CDH12: variants seen among roughly 807,000 people sequenced by gnomAD.
The protein encoded by CDH12 is cadherin-12.
A neutral mutation model predicts 74.1 loss-of-function variants in CDH12; 41 were observed. That is an observed-to-expected ratio of 0.55 (90% CI 0.43 to 0.72). The LOEUF is 0.72. Among genes scored for constraint, CDH12 ranks in the 30% least tolerant of loss-of-function variants. CDH12 has a pLI of 0.00. For missense variants in CDH12, 945 were observed against 977.2 expected (o/e 0.97, Z 0.44); for synonymous variants, 399 against 355.0 (o/e 1.12, Z -1.39).
intron 6 of CDH12, among the ~76,000 whole-genome samples, chr5:21,951,840 C>T (rs1345650453): frequency 1.3e-5 from 2 of 152,132 alleles, no homozygotes; most frequent in Non-Finnish European, 2.9e-5. Context: ...CAGGAAAGAA[C>T]AAATTTCCTT....
intron 1 of CDH12, among the ~76,000 whole-genome samples, chr5:22,563,297 T>C (rs1224578608): frequency 2.6e-5 from 4 of 152,082 alleles, no homozygotes; most frequent in Non-Finnish European, 5.9e-5. Context: ...TAAAATCTCA[T>C]TGTCTTTTTG....
rs574891293 is a variant in CDH12 at position 22,014,862 on chromosome 5, G to A, written c.232-39477C>T. Among the ~76,000 whole-genome samples the A allele has an allele frequency of 3.5e-4, 53 of 151,986 alleles. 1 individual carries two copies. The highest frequency in any genetic ancestry group is 1.0e-3 in the South Asian group (5 of 4,806). On this transcript the variant is annotated intron_variant, in intron 5 of 14. Transcript: ENST00000382254. ...ACTTATTTGATAGCCTTGAATTTCA[G>A]CCGAAAAAATAATAATTATAAGAGG...
At chr5:22,240,194 C>T (rs538208849) in intron 3 of CDH12, among the ~76,000 whole-genome samples, 2 of 152,192 alleles carry the variant, frequency 1.3e-5, no homozygotes, top group African/African-American at 2.4e-5. Context: ...ATGATAAATG[C>T]TAATACTTAT....
intron 1 of CDH12, among the ~76,000 whole-genome samples, chr5:22,780,791 G>A (rs1211876695): frequency 6.6e-6 from 1 of 152,018 alleles, no homozygotes; most frequent in African/African-American, 2.4e-5. Context: ...TTTTTTAAGT[G>A]TGATCTATAG....
intron 5 of CDH12, among the ~76,000 whole-genome samples, chr5:22,069,815 C>T (rs1741819341): frequency 6.6e-6 from 1 of 152,098 alleles, no homozygotes; most frequent in African/African-American, 2.4e-5. Context: ...CTTATATTAC[C>T]TTGCCCTGTG....
At chr5:22,103,725 G>T (rs1744276304) in intron 4 of CDH12, among the ~76,000 whole-genome samples, 1 of 152,246 alleles carries the variant, frequency 6.6e-6, no homozygotes, top group South Asian at 2.1e-4. Context: ...TATATCAAAG[G>T]CAGTGAAAAT....
At chr5:22,752,817 G>A (rs1745664115) in intron 1 of CDH12, among the ~76,000 whole-genome samples, 1 of 151,316 alleles carries the variant, frequency 6.6e-6, no homozygotes. Flanking sequence ...CTCGTGATCC[G>A]CCCGCCTCGG....
chr5:22,320,065 C>T (rs1341638510), intron 3 of CDH12, among the ~76,000 whole-genome samples: 1 of 152,116 alleles, frequency 6.6e-6, no homozygotes. Context: ...CAGAACTAAA[C>T]CCACTTAGGT....
intron 7 of CDH12, 71 bp downstream of exon 7, chr5:21,854,600 A>G: frequency 7.7e-7 from 1 of 1,304,560 alleles, no homozygotes; most frequent in Non-Finnish European, 1.1e-6. Flanking sequence ...GCAACTCCCC[A>G]TGCCAAGATT....
chr5:22,127,259 C>T (rs1456267469), intron 4 of CDH12, among the ~76,000 whole-genome samples: 1 of 151,670 alleles, frequency 6.6e-6, no homozygotes, highest in African/African-American at 2.4e-5. Flanking sequence ...TTTGGGGGGC[C>T]GAGAGGTCAG....
intron 5 of CDH12, among the ~76,000 whole-genome samples, chr5:22,075,391 A>G (rs1174816310): frequency 2.6e-5 from 4 of 151,936 alleles, no homozygotes; most frequent in African/African-American, 7.2e-5. Flanking sequence ...CAGCACACCA[A>G]CATGGCACAT....
At chr5:22,209,153 T>C (rs529575856) in intron 4 of CDH12, among the ~76,000 whole-genome samples, 2 of 152,282 alleles carry the variant, frequency 1.3e-5, no homozygotes, top group South Asian at 4.1e-4. Context: ...AGCACATCCT[T>C]GGATATGACA....
Position 21,975,309 on chromosome 5 carries a change from G to T in CDH12, c.308C>A (p.Thr103Asn). 1.9e-6 allele frequency: 3 copies of T among 1,597,162 alleles called. No individual in the cohort carries two copies. The highest frequency in any genetic ancestry group is 2.5e-6 in the Non-Finnish European group (3 of 1,179,526). ...LSGDGAGTVF[T>N]IDETTGDIHA... ...AATGTCCCCTGTGGTTTCATCAATG[G>T]TAAAAACGGTGCCAGCGCCATCTCC... The change falls in exon 6 of 15, where the codon ACC becomes AAC. Residue 103 changes from threonine (T) to asparagine (N), a missense_variant. Physicochemically the swap from Thr to Asn is moderately conservative, Grantham distance 65. Around this residue, in one of 3 missense-constraint regions of CDH12, gnomAD observed 148 missense variants for 162.8 expected, o/e 0.91. Transcript: ENST00000382254.
At chr5:21,840,817 A>C (rs1749801216) in intron 8 of CDH12, among the ~76,000 whole-genome samples, 1 of 152,186 alleles carries the variant, frequency 6.6e-6, no homozygotes, top group South Asian at 2.1e-4. Flanking sequence ...TAAAAAGCTG[A>C]AACTGGATCC....
At chr5:22,104,682 C>T (rs1042182878) in intron 4 of CDH12, among the ~76,000 whole-genome samples, 11 of 152,176 alleles carry the variant, frequency 7.2e-5, no homozygotes, top group Admixed American at 3.3e-4. Context: ...CCAAAAGTCT[C>T]GGAGAGCCCA....
chr5:22,808,762 GTTTTTTTTTTT>G (rs70959757), intron 1 of CDH12, among the ~76,000 whole-genome samples: 3 of 41,726 alleles, frequency 7.2e-5, no homozygotes, highest in Non-Finnish European at 1.5e-4. Flanking sequence ...ACCACACCTG[GTTTTTTTTTTT>G]TTTTTTTTTT....
intron 1 of CDH12, among the ~76,000 whole-genome samples, chr5:22,663,649 A>G (rs565841015): frequency 1.3e-5 from 2 of 152,302 alleles, no homozygotes; most frequent in East Asian, 3.9e-4. Context: ...ACATTTTAAT[A>G]AACTTGGCTG....
intron 3 of CDH12, among the ~76,000 whole-genome samples, chr5:22,362,370 A>T (rs1300393655): frequency 1.3e-5 from 2 of 152,182 alleles, no homozygotes; most frequent in Non-Finnish European, 2.9e-5. Context: ...GCAAATCAAA[A>T]CCACAATGAG....
At chr5:22,239,961 C>T (rs976002973) in intron 3 of CDH12, among the ~76,000 whole-genome samples, 4 of 152,106 alleles carry the variant, frequency 2.6e-5, no homozygotes, top group East Asian at 3.9e-4. Flanking sequence ...ACATCTTTCC[C>T]GGTACTTCTT....
Sources: allele counts gnomAD v4.1 joint callset (sites outside exome capture counted in the v4.1 genomes callset), GRCh38; gene constraint gnomAD v4.1.1; regional missense constraint gnomAD v4.1.1; transcripts MANE v1.5; gene names NCBI Gene and HGNC (gene_info 2026-07-23, HGNC 2026-07-21).